Variants in TDRD12 observed in about 807,000 individuals in gnomAD.
TDRD12 encodes the protein putative ATP-dependent RNA helicase TDRD12.
Under a neutral mutation model 133.5 loss-of-function variants are expected in TDRD12, and 158 were observed. The ratio of observed to expected loss-of-function variants is 1.18; its 90% CI spans 1.04 to 1.35. The LOEUF is 1.35. TDRD12 is among the 40% of genes most tolerant of loss of function. TDRD12 has a pLI of 0.00. For synonymous variants in TDRD12, 460 were observed against 477.9 expected (o/e 0.96, Z 0.49); for missense variants, 1,443 against 1,321.3 (o/e 1.09, Z -1.43).
intron 3 of TDRD12, among the ~76,000 whole-genome samples, chr19:32,740,182 G>C (rs112924099): frequency 0.017 from 860 of 50,344 alleles, 2 homozygotes; most frequent in African/African-American, 0.048. Flanking sequence ...CCTGGGTGCT[G>C]TCTGCATCTC....
intron 8 of TDRD12, among the ~76,000 whole-genome samples, chr19:32,770,896 T>A (rs1452906550): frequency 6.6e-6 from 1 of 152,234 alleles, no homozygotes; most frequent in Non-Finnish European, 1.5e-5. Context: ...GTACTACTGG[T>A]TTATTTTTCT....
At chr19:32,725,999 T>C (rs1968846124) in intron 1 of TDRD12, among the ~76,000 whole-genome samples, 1 of 152,156 alleles carries the variant, frequency 6.6e-6, no homozygotes, top group South Asian at 2.1e-4. Flanking sequence ...ATATTATATA[T>C]TTTTTATTGT....
chr19:32,740,791 G>A (rs1433747507), intron 3 of TDRD12, among the ~76,000 whole-genome samples: 5 of 152,184 alleles, frequency 3.3e-5, no homozygotes, highest in Non-Finnish European at 5.9e-5. Flanking sequence ...GGTATCCCTG[G>A]TTGTCCTGCT....
Position 32,802,905 on chromosome 19 carries a change from T to A in TDRD12, c.2332-17T>A. Reference sequence around the variant, plus strand: ...GGGATAGATGATCCACTTCCTTTATTCACCCCCAATTTTCAGGGTTCTCCT... The same window carrying A: ...GGGATAGATGATCCACTTCCTTTATACACCCCCAATTTTCAGGGTTCTCCT... On this transcript the variant is annotated splice_polypyrimidine_tract_variant and intron_variant, in intron 20 of 27. Coordinates refer to ENST00000444215, the Ensembl canonical transcript of TDRD12. 6.5e-7 allele frequency: 1 copy of A among 1,531,274 alleles called. No homozygotes were observed. The highest frequency in any genetic ancestry group is 8.7e-7 in the Non-Finnish European group (1 of 1,143,602). 94.9% of individuals were successfully genotyped at this position (1,531,274 alleles called of 1,614,324 possible). A position where few individuals can be genotyped will look rare whatever the true frequency, so the allele number is the denominator to read the frequency against.
chr19:32,779,087 G>A (rs533490900), intron 11 of TDRD12, among the ~76,000 whole-genome samples: 1 of 152,212 alleles, frequency 6.6e-6, no homozygotes, highest in Non-Finnish European at 1.5e-5. Context: ...GGGGAACCCT[G>A]TGCTGTCATT....
At chr19:32,783,140 G>A (rs1970815363) in intron 11 of TDRD12, among the ~76,000 whole-genome samples, 1 of 152,070 alleles carries the variant, frequency 6.6e-6, no homozygotes, top group Non-Finnish European at 1.5e-5. Context: ...CTATTTTTGT[G>A]TAAGGTGTAA....
exon 14 of TDRD12, chr19:32,794,802 A>T: frequency 1.4e-6 from 1 of 703,184 alleles, no homozygotes; most frequent in South Asian, 1.5e-5. Flanking sequence ...GTCATTACCA[A>T]GTAGAAATGG....
intron 4 of TDRD12, among the ~76,000 whole-genome samples, chr19:32,746,617 TGAGA>T (rs748937347): frequency 2.2e-5 from 3 of 136,152 alleles, no homozygotes; most frequent in Non-Finnish European, 4.7e-5. Flanking sequence ...TCTGTGTGTG[TGAGA>T]GAGAGAGTCT....
chr19:32,798,899 C>A (rs560777775), intron 16 of TDRD12, among the ~76,000 whole-genome samples: 1 of 152,136 alleles, frequency 6.6e-6, no homozygotes, highest in African/African-American at 2.4e-5. Flanking sequence ...TTGTGCAGGG[C>A]GCAGCAGCGT....
intron 14 of TDRD12, among the ~76,000 whole-genome samples, chr19:32,796,564 A>G (rs1971234312): frequency 6.6e-6 from 1 of 151,852 alleles, no homozygotes; most frequent in African/African-American, 2.4e-5. Context: ...CAGCCTGGGC[A>G]AGAAGAGCCA....
At chr19:32,799,735 T>TTG (rs1461724212) in intron 16 of TDRD12, among the ~76,000 whole-genome samples, 2 of 141,356 alleles carry the variant, frequency 1.4e-5, no homozygotes, top group Non-Finnish European at 3.1e-5. Context: ...TGCCTTTTTT[T>TTG]TTTTTTTTTT....
exon 20 of TDRD12, chr19:32,802,766 T>G: frequency 6.5e-7 from 1 of 1,536,712 alleles, no homozygotes; most frequent in Non-Finnish European, 8.7e-7. Context: ...GTATTGCATG[T>G]CTGATCATTT....
chr19:32,733,110 T>C (rs1393653888), intron 2 of TDRD12, among the ~76,000 whole-genome samples: 1 of 152,104 alleles, frequency 6.6e-6, no homozygotes, highest in Non-Finnish European at 1.5e-5. Flanking sequence ...AGGTAATAGC[T>C]GCAGTAAGCT....
chr19:32,800,626 T>G lies in TDRD12; in HGVS notation c.1951-18T>G, dbSNP rs970025396. 7.2e-6 allele frequency: 11 copies of G among 1,528,078 alleles called. No homozygotes were observed. Among genetic ancestry groups the G allele is most frequent in the African/African-American group, 1.4e-5 (1 of 72,610 alleles). 94.7% of individuals were successfully genotyped at this position (1,528,078 alleles called of 1,614,324 possible). On this transcript the variant is annotated intron_variant, in intron 17 of 27. Coordinates refer to ENST00000444215, the Ensembl canonical transcript of TDRD12. ...TAAAATATTAAAAAGTCACATTGTT[T>G]CTGTGCTTCATTACCAGGTAGTACA... is the stretch of plus-strand genomic sequence containing the variant.
downstream of TDRD12, among the ~76,000 whole-genome samples, chr19:32,822,861 G>C (rs375691822): frequency 1.3e-5 from 2 of 152,170 alleles, no homozygotes; most frequent in African/African-American, 2.4e-5. Flanking sequence ...ATTTATCTTC[G>C]TGTGGCCTTT....
chr19:32,821,413 T>C (rs1967391129), downstream of TDRD12: 4 of 306,076 alleles, frequency 1.3e-5, no homozygotes, highest in Non-Finnish European at 2.3e-5. Flanking sequence ...TGTGTGTGCG[T>C]GTGAACCACA....
At chr19:32,721,370 A>G (rs936776252) in intron 1 of TDRD12, among the ~76,000 whole-genome samples, 2 of 151,132 alleles carry the variant, frequency 1.3e-5, no homozygotes, top group Non-Finnish European at 2.9e-5. Context: ...GGATTGTTTT[A>G]TTTTATTTTA....
chr19:32,785,477 T>C (rs932100708), intron 11 of TDRD12, among the ~76,000 whole-genome samples: 13 of 152,164 alleles, frequency 8.5e-5, no homozygotes, highest in African/African-American at 2.9e-4. Flanking sequence ...CTATTAGGTC[T>C]GCTTGGTCCA....
Position 32,737,266 on chromosome 19 carries a change from C to T in TDRD12, c.184-1590C>T, listed in dbSNP as rs1009723147. Among the ~76,000 whole-genome samples, 10 of 152,204 alleles carry T rather than the reference C, an allele frequency of 6.6e-5. 2 individuals are homozygous for T. The highest frequency in any genetic ancestry group is 4.1e-4 in the South Asian group (2 of 4,822). ...TCGCCCAGGCTGGAGTGTAGTGGCG[C>T]GATCTTTGGCTCACTGCAACCTCTG... On this transcript the variant is annotated intron_variant, in intron 2 of 27. Coordinates refer to ENST00000444215, the Ensembl canonical transcript of TDRD12.
Sources: allele counts gnomAD v4.1 joint callset (sites outside exome capture counted in the v4.1 genomes callset), GRCh38; gene constraint gnomAD v4.1.1; transcripts MANE v1.5; gene names NCBI Gene and HGNC (gene_info 2026-07-23, HGNC 2026-07-21).